The following EYA3 variants were observed in gnomAD, a reference collection of about 807,000 sequenced individuals.
EYA3 encodes protein phosphatase EYA3.
Under a neutral mutation model 80.0 loss-of-function variants are expected in EYA3, and 39 were observed. The observed-to-expected ratio is 0.49, with a 90% CI of 0.38 to 0.64. EYA3 has a LOEUF of 0.64. Ranked by LOEUF, EYA3 falls within the 30% of genes least tolerant of loss-of-function variation. The pLI, the probability that EYA3 is intolerant of heterozygous loss-of-function variation, is 0.00. For synonymous variants in EYA3, 206 were observed against 232.8 expected (o/e 0.88, Z 1.05); for missense variants, 523 against 676.1 (o/e 0.77, Z 2.51).
chr1:28,069,133 T>A, intron 1 of EYA3, among the ~76,000 whole-genome samples: 1 of 148,268 alleles, frequency 6.7e-6, no homozygotes, highest in Admixed American at 6.7e-5. Flanking sequence ...CAGGTAATTT[T>A]ATTTATTTAT....
chr1:28,070,984 G>A (rs185894037), intron 1 of EYA3, among the ~76,000 whole-genome samples: 6 of 152,222 alleles, frequency 3.9e-5, no homozygotes, highest in East Asian at 1.9e-4. Context: ...GTGCAATGGC[G>A]CACTCTTAGC....
chr1:28,010,326 A>G (rs1366366482), intron 10 of EYA3, among the ~76,000 whole-genome samples: 1 of 152,210 alleles, frequency 6.6e-6, no homozygotes, highest in Non-Finnish European at 1.5e-5. Flanking sequence ...AGTCTCATTA[A>G]TAAGTTACCA....
chr1:28,062,267 A>G (rs1377750103), intron 1 of EYA3, among the ~76,000 whole-genome samples: 1 of 152,186 alleles, frequency 6.6e-6, no homozygotes, highest in African/African-American at 2.4e-5. Flanking sequence ...AAAATTTTAA[A>G]TTGAGAATAG....
intron 1 of EYA3, among the ~76,000 whole-genome samples, chr1:28,076,079 C>T (rs949508317): frequency 1.3e-5 from 2 of 152,142 alleles, no homozygotes; most frequent in South Asian, 2.1e-4. Context: ...TAGGCAACAG[C>T]ACAAATCACA....
rs1313821288 is a variant in EYA3, at chr1:28,013,189, T to C, written c.691A>G (p.Thr231Ala). 4.3e-6 allele frequency: 7 copies of C among 1,614,058 alleles called. No individual in the cohort carries two copies. The highest frequency in any genetic ancestry group is 1.3e-5 in the African/African-American group (1 of 74,930). Residue 231 changes from threonine (T) to alanine (A), a missense_variant, in exon 9 of 18, where the codon ACA becomes GCA. Around this residue, in one of 2 missense-constraint regions of EYA3, gnomAD observed 304 missense variants for 343.3 expected, o/e 0.89. Coordinates refer to ENST00000373871, the MANE Select transcript of EYA3 (RefSeq NM_001990.4). The surrounding 1 kb of genome is among the most constrained non-coding windows in gnomAD (Gnocchi z 4.0). ...GQTNSDAEST[T>A]LAATTYQSEK... ...GACTGGTATGTGGTTGCTGCTAATGTGGTGCTCTCTGCATCACTGTTAGTC... is the reference window on the plus strand; with the variant it reads ...GACTGGTATGTGGTTGCTGCTAATGCGGTGCTCTCTGCATCACTGTTAGTC...
chr1:28,050,318 G>A lies in EYA3; in HGVS notation c.34-1892C>T, dbSNP rs1028117740. On this transcript the variant is annotated intron_variant, in intron 2 of 17. Coordinates refer to ENST00000373871, the MANE Select transcript of EYA3 (RefSeq NM_001990.4). ...AGCAGTTCTTGTGCCTCAGCCTCTC[G>A]AGTAGCAGGGACCACAGGTGCACAC... 3.3e-5 allele frequency among the ~76,000 whole-genome samples: 5 copies of A among 151,346 alleles called. No homozygotes were observed. The South Asian group carries it at 6.2e-4, about 19-fold the overall frequency.
At position 27,988,580 on chromosome 1, in the gene EYA3, C is replaced by T; in HGVS notation, c.1495G>A (p.Gly499Arg). Residue 499 changes from glycine to arginine, a missense_variant, in exon 16 of 18, where the codon GGA becomes AGA. Physicochemically the swap from Gly to Arg is moderately radical, Grantham distance 125. This residue lies in a region of EYA3 where 219 missense variants were observed against 332.8 expected (regional missense o/e 0.66). Coordinates refer to ENST00000373871, the MANE Select transcript of EYA3 (RefSeq NM_001990.4). ...ALAKVLLYGL[G>R]EIFPIENIYS... ...ATGTTCTCAATAGGAAATATTTCTC[C>T]TAGTCCATATAGGAGAACCTTGGCC... The T allele has an allele frequency of 6.2e-7, 1 of 1,614,074 alleles. No individual in the cohort carries two copies. The highest frequency in any genetic ancestry group is 8.5e-7 in the Non-Finnish European group (1 of 1,179,988).
chr1:28,038,271 T>C (rs989824931), intron 5 of EYA3, among the ~76,000 whole-genome samples: 10 of 151,802 alleles, frequency 6.6e-5, no homozygotes, highest in African/African-American at 2.4e-4. Flanking sequence ...ATCCCATCTC[T>C]ACTAAAAAAT....
In EYA3 at chr1:28,058,018, T is replaced by G. The variant is rs752852582; in HGVS notation, c.9A>C (p.Glu3Asp). ...CTGGTTGCTCTGGTAAATCTTGCTCTTCTTCCATGAGGACCAATATTTCTT... is the reference window on the plus strand; with the variant it reads ...CTGGTTGCTCTGGTAAATCTTGCTCGTCTTCCATGAGGACCAATATTTCTT... Reference protein sequence around the residue: MEEEQDLPEQPVK... With the variant: MEDEQDLPEQPVK... The change falls in exon 2 of 18, where the codon GAA becomes GAC. Residue 3 changes from glutamate to aspartate, a missense_variant. This residue lies in a region of EYA3 where 304 missense variants were observed against 343.3 expected (regional missense o/e 0.89). Coordinates refer to ENST00000373871, the MANE Select transcript of EYA3 (RefSeq NM_001990.4). 1 of 1,590,104 alleles carries G rather than the reference T, an allele frequency of 6.3e-7. No individual in the cohort carries two copies. Among genetic ancestry groups the G allele is most frequent in the African/African-American group, 1.3e-5 (1 of 74,612 alleles).
intron 1 of EYA3, among the ~76,000 whole-genome samples, chr1:28,083,485 A>G (rs545829062): frequency 4.4e-4 from 67 of 151,974 alleles, no homozygotes; most frequent in Non-Finnish European, 1.2e-4. Context: ...GTGCCACTGC[A>G]CTCTAGCCTG....
At chr1:28,085,849 CCAATGACT>C (rs1436816564) in intron 1 of EYA3, among the ~76,000 whole-genome samples, 1 of 152,162 alleles carries the variant, frequency 6.6e-6, no homozygotes, top group Non-Finnish European at 1.5e-5. Context: ...CACAACTGCT[CCAATGACT>C]ACACAGGATG....
intron 13 of EYA3, among the ~76,000 whole-genome samples, chr1:27,996,904 C>T (rs553077764): frequency 6.6e-6 from 1 of 152,318 alleles, no homozygotes; most frequent in Admixed American, 6.5e-5. Flanking sequence ...GACTACCTTA[C>T]AGAGATGGGA....
rs376217821 is a variant in EYA3, at chr1:28,010,964, G to C, written c.892C>G (p.Gln298Glu). 1.0e-4 allele frequency: 166 copies of C among 1,613,758 alleles called. 1 individual carries two copies. In the South Asian group the frequency reaches 1.7e-3, roughly 17 times the overall value. ...TCTCATACTTCTAATTCACTGTCTT[G>C]GGAAGAAGTGGCATCAGCTTTCCTC... ...GKRKADATSS[Q>E]DSELERVFLW... Residue 298 changes from glutamine to glutamate, a missense_variant, in exon 10 of 18, where the codon CAA becomes GAA. This residue lies in a region of EYA3 where 219 missense variants were observed against 332.8 expected (regional missense o/e 0.66). Transcript: ENST00000373871.
rs559469568 is a variant in EYA3, at chr1:27,972,506, T to C, written c.*1960A>G. 1 of 152,262 alleles carries C rather than the reference T, an allele frequency of 6.6e-6. No homozygotes were observed. The highest frequency in any genetic ancestry group is 2.4e-5 in the African/African-American group (1 of 41,464). The allele number at this position is 152,262 out of a possible 1,614,324, so 9.4% of individuals were successfully genotyped here. On this transcript the variant is annotated 3_prime_UTR_variant, in exon 18 of 18. Coordinates refer to ENST00000373871, the MANE Select transcript of EYA3 (RefSeq NM_001990.4). Reference sequence around the variant, plus strand: ...ATACCAGCCTCTCTCTCTTGCTATCTGGGTGGCCTGGCATTGGAAGGAGTC... The same window carrying C: ...ATACCAGCCTCTCTCTCTTGCTATCCGGGTGGCCTGGCATTGGAAGGAGTC...
chr1:28,044,535 C>T (rs1387039026), intron 3 of EYA3, among the ~76,000 whole-genome samples: 5 of 152,172 alleles, frequency 3.3e-5, no homozygotes, highest in Admixed American at 3.3e-4. Context: ...TTCTTCTACT[C>T]TCTAGGGAGA....
intron 7 of EYA3, among the ~76,000 whole-genome samples, chr1:28,023,693 A>C (rs1571830059): frequency 6.6e-6 from 1 of 152,242 alleles, no homozygotes; most frequent in South Asian, 2.1e-4. Flanking sequence ...CTAAGGAGAC[A>C]TAACTAAATG....
intron 7 of EYA3, among the ~76,000 whole-genome samples, chr1:28,021,112 C>A (rs1278698487): frequency 6.6e-6 from 1 of 152,178 alleles, no homozygotes; most frequent in Non-Finnish European, 1.5e-5. Flanking sequence ...AAAGTTTGTG[C>A]AAGATTTAGT....
chr1:28,014,827 T>C lies in EYA3; in HGVS notation c.586-1533A>G, dbSNP rs564012868. 3.3e-3 allele frequency among the ~76,000 whole-genome samples: 498 copies of C among 152,284 alleles called. 3 individuals are homozygous for C. Among genetic ancestry groups the C allele is most frequent in the Non-Finnish European group, 5.5e-3 (372 of 68,020 alleles). ...CTAAACTGTACAATTTAAATCTGTG[T>C]AGTTTACTGTATGTCAATTACTCCC... On this transcript the variant is annotated intron_variant, in intron 8 of 17. Coordinates refer to ENST00000373871, the MANE Select transcript of EYA3 (RefSeq NM_001990.4).
rs112009503 is a variant in EYA3 at position 28,072,390 on chromosome 1, T to C, written c.-68-14296A>G. Among the ~76,000 whole-genome samples, 1,145 of 152,136 alleles carry C rather than the reference T, an allele frequency of 7.5e-3. 10 individuals are homozygous for C. The highest frequency in any genetic ancestry group is 0.051 in the Middle Eastern group (15 of 294). On this transcript the variant is annotated intron_variant, in intron 1 of 17. Transcript: ENST00000373871. The stretch of plus-strand genomic sequence containing the variant: ...TGCATTCAGAGGAGATTCCAAAAGT[T>C]TGGGACTGTTGGCCTCTGTAGATTT...
Sources: allele counts gnomAD v4.1 joint callset (sites outside exome capture counted in the v4.1 genomes callset), GRCh38; gene constraint gnomAD v4.1.1; regional missense constraint gnomAD v4.1.1; non-coding constraint Gnocchi (gnomAD v3.1); transcripts MANE v1.5; gene names NCBI Gene and HGNC (gene_info 2026-07-23, HGNC 2026-07-21).